The following PARD3 variants were observed in gnomAD, a reference collection of about 807,000 sequenced individuals.
PARD3 encodes the protein partitioning defective 3 homolog.
PARD3 carries 75 observed loss-of-function variants against 155.4 expected under a neutral mutation model. The observed-to-expected ratio is 0.48, with a 90% CI of 0.40 to 0.58. The LOEUF is 0.58. Ranked by LOEUF, PARD3 falls within the 20% of genes least tolerant of loss-of-function variation. The pLI is 0.00. For synonymous variants in PARD3, 576 were observed against 610.5 expected, an observed-to-expected ratio of 0.94 and a Z score of 0.83; for missense variants, 1,642 against 1,721.7, an observed-to-expected ratio of 0.95 and a Z score of 0.82.
At chr10:34,132,011 A>C (rs1271618510) in intron 22 of PARD3, among the ~76,000 whole-genome samples, 1 of 152,178 alleles carries the variant, frequency 6.6e-6, no homozygotes, top group Non-Finnish European at 1.5e-5. Context: ...TGAAGTAGAG[A>C]TAATAATTTT....
chr10:34,659,259 T>C (rs1213418624), intron 2 of PARD3, among the ~76,000 whole-genome samples: 1 of 152,096 alleles, frequency 6.6e-6, no homozygotes, highest in African/African-American at 2.4e-5. Context: ...AAGAATAAAA[T>C]TATTTCTAAG....
chr10:34,364,557 A>G (rs1839781713), intron 12 of PARD3, among the ~76,000 whole-genome samples: 1 of 151,954 alleles, frequency 6.6e-6, no homozygotes, highest in South Asian at 2.1e-4. Context: ...CAGCCTCCCA[A>G]GTAGCTAGCT....
At chr10:34,746,782 C>T (rs1269497698) in intron 1 of PARD3, among the ~76,000 whole-genome samples, 1 of 152,200 alleles carries the variant, frequency 6.6e-6, no homozygotes, top group African/African-American at 2.4e-5. Context: ...TTTGCTTCTA[C>T]TAATAAATCA....
intron 1 of PARD3, among the ~76,000 whole-genome samples, chr10:34,767,525 A>G (rs992432705): frequency 2.0e-5 from 3 of 152,024 alleles, no homozygotes; most frequent in African/African-American, 7.2e-5. Flanking sequence ...AGCTAATGAG[A>G]GGTTACTTCC....
chr10:34,539,097 C>G (rs1474164511), intron 2 of PARD3, among the ~76,000 whole-genome samples: 1 of 152,204 alleles, frequency 6.6e-6, no homozygotes, highest in African/African-American at 2.4e-5. Flanking sequence ...ATTTTGACTA[C>G]AGGGTCCTGC....
At chr10:34,670,192 T>G (rs1319703177) in intron 2 of PARD3, among the ~76,000 whole-genome samples, 1 of 152,226 alleles carries the variant, frequency 6.6e-6, no homozygotes, top group African/African-American at 2.4e-5. Context: ...GCCTCCCAAC[T>G]CCATGCACAC....
chr10:34,455,187 C>T (rs2077269426), intron 4 of PARD3, among the ~76,000 whole-genome samples: 1 of 152,020 alleles, frequency 6.6e-6, no homozygotes, highest in Admixed American at 6.5e-5. Flanking sequence ...GTTTCCACCT[C>T]GTTTCAGTGC....
At chr10:34,701,701 T>C (rs1458748745) in intron 1 of PARD3, among the ~76,000 whole-genome samples, 1 of 151,978 alleles carries the variant, frequency 6.6e-6, no homozygotes, top group Non-Finnish European at 1.5e-5. Flanking sequence ...TCCAGACTAG[T>C]CTGGGGAACG....
intron 13 of PARD3, among the ~76,000 whole-genome samples, chr10:34,359,615 A>T (rs1434569157): frequency 1.3e-5 from 2 of 152,226 alleles, no homozygotes; most frequent in African/African-American, 4.8e-5. Flanking sequence ...GCTTCCAGAA[A>T]CACCCATAGA....
At chr10:34,309,175 C>A (rs1489358760) in intron 20 of PARD3, among the ~76,000 whole-genome samples, 2 of 152,010 alleles carry the variant, frequency 1.3e-5, no homozygotes, top group Non-Finnish European at 2.9e-5. Context: ...GACATGAGAT[C>A]GTAGTTGGAG....
chr10:34,217,511 G>A (rs1413061536), intron 22 of PARD3, among the ~76,000 whole-genome samples: 1 of 152,094 alleles, frequency 6.6e-6, no homozygotes, highest in Admixed American at 6.5e-5. Context: ...CAGGTGGTGC[G>A]ATCCCACTTC....
intron 24 of PARD3, among the ~76,000 whole-genome samples, chr10:34,117,649 C>T (rs1247357784): frequency 1.3e-5 from 2 of 152,174 alleles, no homozygotes; most frequent in Non-Finnish European, 2.9e-5. Flanking sequence ...TGGTGGCTCA[C>T]ACCTGTAATC....
rs868523991 is a variant in PARD3, at chr10:34,447,519, A to G, written c.714+2798T>C. On this transcript the variant is annotated intron_variant, in intron 5 of 24. Transcript: ENST00000374788. ...AAAAAAAAAAAAAAAAAAAAAAAAA[A>G]GGGCCAGTTGCTGTGGCTCACACCT... Among the ~76,000 whole-genome samples the G allele has an allele frequency of 7.3e-3, 987 of 134,612 alleles. 14 individuals carry two copies. Among genetic ancestry groups the G allele is most frequent in the African/African-American group, 0.027 (928 of 34,388 alleles). 88.3% of individuals were successfully genotyped at this position (134,612 alleles called of 152,430 possible).
chr10:34,296,980 A>T (rs1281346703), intron 20 of PARD3, among the ~76,000 whole-genome samples: 1 of 152,180 alleles, frequency 6.6e-6, no homozygotes, highest in Non-Finnish European at 1.5e-5. Context: ...CACAAGACTA[A>T]AAAGACACCT....
intron 2 of PARD3, among the ~76,000 whole-genome samples, chr10:34,689,297 G>C (rs117775373): frequency 0.011 from 1,604 of 152,280 alleles, 12 homozygotes; most frequent in Non-Finnish European, 0.017. Flanking sequence ...TGCATCACAC[G>C]ATCCCTCAGT....
Position 34,770,946 on chromosome 10 carries a change from A to G in PARD3, c.120+43930T>C, listed in dbSNP as rs145082228. On this transcript the variant is annotated intron_variant, in intron 1 of 24. Transcript: ENST00000374788. ...TCATTGGATTTGGAAAGGCTTTGAG[A>G]TGCTCCTCTGGGAACTCAAAACCCT... Among the ~76,000 whole-genome samples, 8 of 152,232 alleles carry G rather than the reference A, an allele frequency of 5.3e-5. No homozygotes were observed. The East Asian group carries it at 7.7e-4, about 15-fold the overall frequency.
At chr10:34,596,335 A>C (rs926471392) in intron 2 of PARD3, among the ~76,000 whole-genome samples, 23 of 152,066 alleles carry the variant, frequency 1.5e-4, no homozygotes, top group Non-Finnish European at 1.5e-5. Context: ...CCCTTGTATT[A>C]GTCTGATCTC....
intron 1 of PARD3, among the ~76,000 whole-genome samples, chr10:34,753,023 C>A (rs544429149): frequency 6.6e-6 from 1 of 152,290 alleles, no homozygotes; most frequent in African/African-American, 2.4e-5. Flanking sequence ...AGAAAACAGC[C>A]AAGGCAGCAG....
rs550848313 is a variant in PARD3 at position 34,728,351 on chromosome 10, A to T, written c.121-31932T>A. Among the ~76,000 whole-genome samples, 10 of 152,282 alleles carry T rather than the reference A, an allele frequency of 6.6e-5. No individual in the cohort carries two copies. In the East Asian group the frequency reaches 1.2e-3, roughly 18 times the overall value. On this transcript the variant is annotated intron_variant, in intron 1 of 24. Transcript: ENST00000374788. ...CTAAAGGATTCTGACGCTAAATGTC[A>T]TTTCTGAACGTTTTTGTAATTTAGA...
Sources: gnomAD v4.1 joint callset for allele counts (sites outside exome capture counted in the v4.1 genomes callset) on GRCh38, gnomAD v4.1.1 for gene constraint, MANE v1.5 for transcripts, NCBI Gene and HGNC (gene_info 2026-07-23, HGNC 2026-07-21) for gene names.